NPSR1: variants seen among roughly 807,000 people sequenced by gnomAD.
NPSR1 encodes neuropeptide S receptor 1.
In NPSR1, 48 loss-of-function variants were observed where a neutral mutation model predicts 46.9. That is an observed-to-expected ratio of 1.02 (90% confidence interval 0.81 to 1.30). The LOEUF is 1.30. Ranked by LOEUF, NPSR1 falls within the 50% of genes most tolerant of loss-of-function variation. The pLI, the probability that NPSR1 is intolerant of heterozygous loss-of-function variation, is 0.00. For synonymous variants in NPSR1, 176 were observed against 168.1 expected (o/e 1.05, Z -0.36); for missense variants, 450 against 449.5 (o/e 1.00, Z -0.01).
chr7:34,856,954 T>G (rs1399865399), intron 8 of NPSR1, among the ~76,000 whole-genome samples: 2 of 151,622 alleles, frequency 1.3e-5, no homozygotes, highest in Admixed American at 6.6e-5. Context: ...TCTAAGGGCC[T>G]TTTAATTCAA....
intron 1 of NPSR1, among the ~76,000 whole-genome samples, chr7:34,660,986 T>A (rs35037001): frequency 0.021 from 3,177 of 152,282 alleles, 41 homozygotes; most frequent in Middle Eastern, 0.034. Context: ...GTCCTCAAGC[T>A]CCTTGAGTAA....
At chr7:34,666,850 T>C (rs968450759) in intron 1 of NPSR1, among the ~76,000 whole-genome samples, 4 of 152,126 alleles carry the variant, frequency 2.6e-5, no homozygotes, top group African/African-American at 9.7e-5. Flanking sequence ...TTGAATAGAT[T>C]CTTATAAAAA....
At chr7:34,769,903 G>A (rs1177831396) in intron 2 of NPSR1, among the ~76,000 whole-genome samples, 1 of 152,156 alleles carries the variant, frequency 6.6e-6, no homozygotes, top group Non-Finnish European at 1.5e-5. Flanking sequence ...TGTACCCTTT[G>A]TTCCCAAGGT....
intron 2 of NPSR1, among the ~76,000 whole-genome samples, chr7:34,727,041 G>T (rs554947298): frequency 9.9e-5 from 15 of 152,272 alleles, no homozygotes; most frequent in African/African-American, 3.4e-4. Flanking sequence ...GTCAATACAG[G>T]TTCATCAATA....
chr7:34,695,076 G>T (rs1025804952), intron 2 of NPSR1, among the ~76,000 whole-genome samples: 3 of 152,092 alleles, frequency 2.0e-5, no homozygotes, highest in Non-Finnish European at 2.9e-5. Flanking sequence ...ATACAACAAG[G>T]CTGTAGTAAC....
intron 2 of NPSR1, among the ~76,000 whole-genome samples, chr7:34,721,813 T>C (rs1439851277): frequency 6.6e-6 from 1 of 152,154 alleles, no homozygotes; most frequent in Non-Finnish European, 1.5e-5. Flanking sequence ...TAAAAATAGT[T>C]AAAGGTGTTC....
chr7:34,803,946 A>G (rs562106372), intron 3 of NPSR1, among the ~76,000 whole-genome samples: 2 of 152,218 alleles, frequency 1.3e-5, no homozygotes, highest in South Asian at 2.1e-4. Flanking sequence ...AAACTCACAT[A>G]AAGTGAAATA....
chr7:34,792,189 A>G (rs989781533), intron 3 of NPSR1, among the ~76,000 whole-genome samples: 1 of 152,100 alleles, frequency 6.6e-6, no homozygotes, highest in Non-Finnish European at 1.5e-5. Flanking sequence ...CAAAAACTCA[A>G]GAAACAAAAC....
chr7:34,860,509 G>C, intron 8 of NPSR1, among the ~76,000 whole-genome samples: 1 of 151,746 alleles, frequency 6.6e-6, no homozygotes, highest in East Asian at 1.9e-4. Context: ...AGTGAGAAAA[G>C]TGACATTGTT....
At chr7:34,792,704 T>G (rs977063029) in intron 3 of NPSR1, among the ~76,000 whole-genome samples, 16 of 128,328 alleles carry the variant, frequency 1.2e-4, no homozygotes, top group African/African-American at 4.9e-4. Context: ...TATATACGTA[T>G]ATATATATAT....
intron 4 of NPSR1, among the ~76,000 whole-genome samples, chr7:34,821,746 A>G (rs1789568798): frequency 1.3e-5 from 2 of 152,204 alleles, no homozygotes; most frequent in African/African-American, 4.8e-5. Context: ...AGTGTCCTAA[A>G]TTATCAGAAA....
chr7:34,856,466 T>G (rs377667259), intron 8 of NPSR1, among the ~76,000 whole-genome samples: 7 of 151,660 alleles, frequency 4.6e-5, no homozygotes, highest in African/African-American at 1.5e-4. Context: ...AGCATAAAAT[T>G]TATTACTCCT....
intron 2 of NPSR1, among the ~76,000 whole-genome samples, chr7:34,695,802 A>C (rs1229031609): frequency 6.6e-6 from 1 of 152,106 alleles, no homozygotes; most frequent in Non-Finnish European, 1.5e-5. Flanking sequence ...ATCAAAAAAC[A>C]ATAGATGCTG....
chr7:34,771,327 C>A (rs1223947819), intron 2 of NPSR1, among the ~76,000 whole-genome samples: 1 of 152,170 alleles, frequency 6.6e-6, no homozygotes, highest in Non-Finnish European at 1.5e-5. Context: ...CTGTTCCCAA[C>A]TACTCAGGAG....
chr7:34,758,418 T>C (rs1785988204), intron 2 of NPSR1: 1 of 152,230 alleles, frequency 6.6e-6, no homozygotes, highest in South Asian at 2.1e-4. Context: ...AAGAAGAAAC[T>C]TGCTGAACAA....
intron 2 of NPSR1, among the ~76,000 whole-genome samples, chr7:34,775,925 G>A (rs1282846082): frequency 6.6e-6 from 1 of 151,834 alleles, no homozygotes; most frequent in East Asian, 1.9e-4. Context: ...GGTATGTTGT[G>A]TTTCTATTAT....
At chr7:34,745,176 C>T (rs757775097) in intron 2 of NPSR1, among the ~76,000 whole-genome samples, 9 of 152,126 alleles carry the variant, frequency 5.9e-5, no homozygotes, top group Non-Finnish European at 1.2e-4. Context: ...ACCATAGTGC[C>T]TCTTTCACAT....
intron 2 of NPSR1, among the ~76,000 whole-genome samples, chr7:34,740,350 G>C (rs1459740071): frequency 2.0e-5 from 3 of 151,708 alleles, no homozygotes; most frequent in Non-Finnish European, 4.4e-5. Flanking sequence ...AAAGCAAGTA[G>C]AGCTTCAGTA....
rs774271955 is a variant in NPSR1 at position 34,658,404 on chromosome 7, G to T, written c.-9G>T. 6.2e-7 allele frequency: 1 copy of T among 1,613,414 alleles called. No individual in the cohort carries two copies. The highest frequency in any genetic ancestry group is 8.5e-7 in the Non-Finnish European group (1 of 1,179,898). ...AGCAAGGACAGTGAGGCTCAACCCC[G>T]CCTGAGCCATGCCAGCCAACTTCAC... On this transcript the variant is annotated 5_prime_UTR_variant, in exon 1 of 9. Transcript: ENST00000360581.
Sources: gnomAD v4.1 joint callset for allele counts (sites outside exome capture counted in the v4.1 genomes callset) on GRCh38, gnomAD v4.1.1 for gene constraint, MANE v1.5 for transcripts, NCBI Gene and HGNC (gene_info 2026-07-23, HGNC 2026-07-21) for gene names.